ZNF407: variants seen among roughly 807,000 people sequenced by gnomAD.
ZNF407 encodes zinc finger protein 407.
In ZNF407, 17 loss-of-function variants were observed where a neutral mutation model predicts 131.2. The ratio of observed to expected loss-of-function variants is 0.13; its 90% CI spans 0.09 to 0.19. ZNF407 has a LOEUF of 0.19. ZNF407 is among the 10% of genes least tolerant of loss of function. The pLI, the probability that ZNF407 is intolerant of heterozygous loss-of-function variation, is 1.00. For synonymous variants in ZNF407, 1,156 were observed against 1,062.0 expected (o/e 1.09, Z -1.72); for missense variants, 2,681 against 2,830.6 (o/e 0.95, Z 1.20).
intron 3 of ZNF407, among the ~76,000 whole-genome samples, chr18:74,652,382 C>T (rs967828779): frequency 2.0e-5 from 3 of 151,998 alleles, no homozygotes; most frequent in African/African-American, 7.2e-5. Flanking sequence ...TTTCAAAATA[C>T]ATCGTAGCCT....
intron 3 of ZNF407, among the ~76,000 whole-genome samples, chr18:74,779,104 TA>T (rs1461542156): frequency 2.1e-5 from 1 of 48,596 alleles, no homozygotes; most frequent in African/African-American, 7.6e-5. Flanking sequence ...TATATATATA[TA>T]TATATTTTTT....
chr18:74,675,224 T>C (rs1007178468), intron 3 of ZNF407, among the ~76,000 whole-genome samples: 3 of 152,240 alleles, frequency 2.0e-5, no homozygotes, highest in African/African-American at 7.2e-5. Flanking sequence ...TGGGTGTAGG[T>C]TCAGTTGCCT....
In ZNF407 at chr18:74,811,907, G is replaced by A. The variant is rs1970202459; in HGVS notation, c.4877+30405G>A. The stretch of plus-strand genomic sequence containing the variant: ...GGGGAAGGGGGAGGGGGGAGGGATA[G>A]CATTAGGAGATATACCTAATGCTAA... On this transcript the variant is annotated intron_variant, in intron 4 of 8. Transcript: ENST00000299687. 2.6e-5 allele frequency among the ~76,000 whole-genome samples: 4 copies of A among 151,502 alleles called. No homozygotes were observed. In the South Asian group the frequency reaches 8.3e-4, roughly 32 times the overall value.
chr18:74,931,388 G>T (rs769783447), intron 8 of ZNF407, among the ~76,000 whole-genome samples: 1 of 152,006 alleles, frequency 6.6e-6, no homozygotes, highest in Non-Finnish European at 1.5e-5. Flanking sequence ...TTTAAAAATG[G>T]ACAAATGATC....
intron 8 of ZNF407, among the ~76,000 whole-genome samples, chr18:75,004,424 C>A (rs186415751): frequency 6.6e-6 from 1 of 152,148 alleles, no homozygotes; most frequent in South Asian, 2.1e-4. Context: ...AGCACTGTTG[C>A]GGGGGAGACA....
intron 4 of ZNF407, among the ~76,000 whole-genome samples, chr18:74,858,260 T>G (rs1177070250): frequency 1.3e-5 from 2 of 151,480 alleles, no homozygotes; most frequent in African/African-American, 4.8e-5. Flanking sequence ...CCCCCTTTTC[T>G]GTAAATATTT....
intron 4 of ZNF407, among the ~76,000 whole-genome samples, chr18:74,872,546 G>A (rs1308762274): frequency 1.3e-5 from 2 of 151,784 alleles, no homozygotes; most frequent in African/African-American, 4.8e-5. Flanking sequence ...GGCAGATCAC[G>A]AGGTCAGGAG....
chr18:74,778,864 T>C (rs1230298216), intron 3 of ZNF407, among the ~76,000 whole-genome samples: 3 of 152,072 alleles, frequency 2.0e-5, no homozygotes, highest in Admixed American at 6.5e-5. Context: ...TGAGGATTTA[T>C]TGGGAGCAAG....
At chr18:74,745,377 A>C (rs1968644640) in intron 3 of ZNF407, among the ~76,000 whole-genome samples, 1 of 1,182 alleles carries the variant, frequency 8.5e-4, no homozygotes, top group Non-Finnish European at 0.1. Context: ...TTCAGAGGCA[A>C]AAAAAAAAAT....
chr18:74,920,929 C>T (rs1971838986), intron 8 of ZNF407: 1 of 1,199,232 alleles, frequency 8.3e-7, no homozygotes. Flanking sequence ...TATTTGATGA[C>T]TGTAAAGTTA....
intron 8 of ZNF407, among the ~76,000 whole-genome samples, chr18:75,013,492 G>GA (rs894967378): frequency 2.0e-5 from 3 of 152,068 alleles, no homozygotes; most frequent in Non-Finnish European, 2.9e-5. Flanking sequence ...GTCTAAGAGA[G>GA]AAAAAACATG....
At chr18:75,043,450 C>T (rs1445418722) in intron 8 of ZNF407, among the ~76,000 whole-genome samples, 1 of 152,144 alleles carries the variant, frequency 6.6e-6, no homozygotes, top group Admixed American at 6.5e-5. Flanking sequence ...TTATTTCCAC[C>T]CCTCAAATCT....
intron 4 of ZNF407, among the ~76,000 whole-genome samples, chr18:74,814,604 T>A (rs985213430): frequency 6.6e-6 from 1 of 152,248 alleles, no homozygotes; most frequent in South Asian, 2.1e-4. Flanking sequence ...TCCAGTGCCC[T>A]GACTGCATTG....
intron 3 of ZNF407, among the ~76,000 whole-genome samples, chr18:74,674,285 G>C (rs907006696): frequency 2.0e-5 from 3 of 152,172 alleles, no homozygotes; most frequent in Non-Finnish European, 2.9e-5. Flanking sequence ...AGAACCACTT[G>C]TTAGAGATCC....
At chr18:75,033,166 A>G (rs1973265467) in intron 8 of ZNF407, among the ~76,000 whole-genome samples, 4 of 125,584 alleles carry the variant, frequency 3.2e-5, no homozygotes, top group South Asian at 5.6e-4. Context: ...AAGACTGCTC[A>G]GAATGGGGGG....
intron 8 of ZNF407, among the ~76,000 whole-genome samples, chr18:74,945,697 C>T (rs1442060211): frequency 6.6e-6 from 1 of 152,060 alleles, no homozygotes; most frequent in Non-Finnish European, 1.5e-5. Context: ...TCGAATGAAC[C>T]TAATTCTTTA....
rs753444628 is a variant in ZNF407 at position 74,631,112 on chromosome 18, A to T, written c.93A>T (p.Glu31Asp). Residue 31 changes from glutamate (E) to aspartate (D), a missense_variant, in exon 2 of 9, where the codon GAA becomes GAT. Physicochemically the swap from Glu to Asp is conservative, Grantham distance 45. Around this residue, in one of 6 missense-constraint regions of ZNF407, gnomAD observed 1,789 missense variants for 1,748.7 expected, o/e 1.02. Coordinates refer to ENST00000299687, the MANE Select transcript of ZNF407 (RefSeq NM_017757.3). Reference sequence around the variant, plus strand: ...TGACAAAGCTTTCATCCCATAATGAAGACGGTGGGCCTGTATCTGATGTGA... The same window carrying T: ...TGACAAAGCTTTCATCCCATAATGATGACGGTGGGCCTGTATCTGATGTGA... ...QDLTKLSSHNEDGGPVSDVIA... is the reference protein window; with the variant it reads ...QDLTKLSSHNDDGGPVSDVIA... The T allele has an allele frequency of 6.2e-7, 1 of 1,613,926 alleles. No homozygotes were observed. The highest frequency in any genetic ancestry group is 1.1e-5 in the South Asian group (1 of 91,066).
intron 8 of ZNF407, among the ~76,000 whole-genome samples, chr18:74,998,291 T>A (rs1972802627): frequency 6.6e-6 from 1 of 152,142 alleles, no homozygotes; most frequent in Admixed American, 6.5e-5. Context: ...CCAAGAAAAA[T>A]TACTTTTTGA....
At chr18:74,900,052 A>G (rs765133173) in intron 7 of ZNF407, among the ~76,000 whole-genome samples, 10 of 152,164 alleles carry the variant, frequency 6.6e-5, no homozygotes, top group Non-Finnish European at 1.3e-4. Context: ...CACTTTCTGA[A>G]ATGTACTTTA....
Sources: allele counts gnomAD v4.1 joint callset (sites outside exome capture counted in the v4.1 genomes callset), GRCh38; gene constraint gnomAD v4.1.1; regional missense constraint gnomAD v4.1.1; transcripts MANE v1.5; gene names NCBI Gene and HGNC (gene_info 2026-07-23, HGNC 2026-07-21).